CNTNAP2: variants seen among roughly 807,000 people sequenced by gnomAD.
CNTNAP2 encodes contactin-associated protein-like 2.
CNTNAP2 carries 98 observed loss-of-function variants against 155.2 expected under a neutral mutation model. The observed-to-expected ratio is 0.63, with a 90% CI of 0.54 to 0.75. The LOEUF (loss-of-function observed/expected upper bound fraction) is 0.75. CNTNAP2 is among the 30% of genes least tolerant of loss of function. The pLI, the probability that CNTNAP2 is intolerant of heterozygous loss-of-function variation, is 0.00. For missense variants in CNTNAP2, 1,727 were observed against 1,688.1 expected (o/e 1.02, Z -0.40); for synonymous variants, 651 against 631.2 (o/e 1.03, Z -0.47).
intron 15 of CNTNAP2, among the ~76,000 whole-genome samples, chr7:148,042,762 T>A (rs558171991): frequency 1.3e-5 from 2 of 152,322 alleles, no homozygotes; most frequent in South Asian, 2.1e-4. Context: ...GCATCCTCAA[T>A]ATGCCTGCAT....
At chr7:146,601,996 A>G (rs1361868795) in intron 1 of CNTNAP2, among the ~76,000 whole-genome samples, 3 of 152,204 alleles carry the variant, frequency 2.0e-5, no homozygotes, top group African/African-American at 7.2e-5. Flanking sequence ...TGTACAAAGC[A>G]TTCAAAACAA....
chr7:146,634,273 C>G (rs1015112951), intron 1 of CNTNAP2, among the ~76,000 whole-genome samples: 1 of 152,116 alleles, frequency 6.6e-6, no homozygotes, highest in Non-Finnish European at 1.5e-5. Context: ...AACCATACTT[C>G]CCTGTGCCGA....
At chr7:146,901,133 TA>T (rs973748514) in intron 3 of CNTNAP2, among the ~76,000 whole-genome samples, 1 of 151,924 alleles carries the variant, frequency 6.6e-6, no homozygotes, top group Non-Finnish European at 1.5e-5. Context: ...AAACTTAGGC[TA>T]AAAAACAGAA....
chr7:147,663,059 C>A (rs773402925), intron 13 of CNTNAP2, among the ~76,000 whole-genome samples: 25 of 152,118 alleles, frequency 1.6e-4, no homozygotes, highest in Non-Finnish European at 2.8e-4. Flanking sequence ...AGTGCAGTGG[C>A]GCGTTCTCGG....
intron 10 of CNTNAP2, among the ~76,000 whole-genome samples, chr7:147,422,331 T>C (rs932385686): frequency 1.3e-5 from 2 of 151,192 alleles, no homozygotes; most frequent in Non-Finnish European, 2.9e-5. Flanking sequence ...GCCATGGCTC[T>C]ACCCTGAATT....
intron 1 of CNTNAP2, among the ~76,000 whole-genome samples, chr7:146,275,014 C>A (rs1390332319): frequency 1.3e-5 from 2 of 152,244 alleles, no homozygotes; most frequent in East Asian, 3.9e-4. Context: ...AAGCTATTTG[C>A]CCTCTATAGT....
chr7:148,173,391 T>G (rs761665879), intron 18 of CNTNAP2, among the ~76,000 whole-genome samples: 64 of 152,340 alleles, frequency 4.2e-4, no homozygotes, highest in Non-Finnish European at 7.6e-4. Flanking sequence ...TTGGTGCATC[T>G]CTTAATAAGA....
chr7:147,882,419 T>C (rs1434162599), intron 13 of CNTNAP2, among the ~76,000 whole-genome samples: 1 of 152,192 alleles, frequency 6.6e-6, no homozygotes, highest in Non-Finnish European at 1.5e-5. Context: ...CACTGTCAAA[T>C]AGTGGACATC....
At chr7:147,369,850 T>TAAA (rs1470014212) in intron 9 of CNTNAP2, among the ~76,000 whole-genome samples, 46 of 152,334 alleles carry the variant, frequency 3.0e-4, no homozygotes, top group Non-Finnish European at 1.3e-4. Context: ...CGCCTTTGTA[T>TAAA]TTACCTGCAT....
At chr7:147,395,578 G>A (rs761893642) in intron 9 of CNTNAP2, 31 bp from the exon 10 acceptor site, 1 of 1,608,870 alleles carries the variant, frequency 6.2e-7, no homozygotes, top group East Asian at 2.2e-5. Flanking sequence ...CTGTACACCA[G>A]ATTTACATTC....
At chr7:148,210,134 G>A (rs951948321) in intron 18 of CNTNAP2, among the ~76,000 whole-genome samples, 10 of 152,086 alleles carry the variant, frequency 6.6e-5, no homozygotes, top group Admixed American at 3.3e-4. Context: ...GGGTAGGGGG[G>A]CCTTTAAGAT....
intron 18 of CNTNAP2, among the ~76,000 whole-genome samples, chr7:148,176,146 A>G (rs1290053166): frequency 8.6e-5 from 13 of 151,240 alleles, no homozygotes; most frequent in Admixed American, 8.6e-4. Context: ...ACTAGTCAAA[A>G]CCACACAAGA....
At chr7:148,011,735 A>G (rs1243580300) in intron 15 of CNTNAP2, among the ~76,000 whole-genome samples, 1 of 152,174 alleles carries the variant, frequency 6.6e-6, no homozygotes, top group Non-Finnish European at 1.5e-5. Context: ...ACTCTCAAGT[A>G]GTGTATACTC....
Position 148,151,367 on chromosome 7 carries a change from G to A in CNTNAP2, c.2773+3658G>A, listed in dbSNP as rs111825810. Among the ~76,000 whole-genome samples the A allele has an allele frequency of 3.5e-3, 534 of 152,158 alleles. 3 individuals are homozygous for A. The highest frequency in any genetic ancestry group is 8.9e-3 in the South Asian group (43 of 4,812). ...GTCATCCAGGCTGGAGTAAAGTGGC[G>A]TGATCTCAGCTCACTGCAACCTCTG... is the stretch of plus-strand genomic sequence containing the variant. On this transcript the variant is annotated intron_variant, in intron 17 of 23. Transcript: ENST00000361727.
intron 8 of CNTNAP2, among the ~76,000 whole-genome samples, chr7:147,277,101 A>G (rs576464493): frequency 6.6e-6 from 1 of 152,166 alleles, no homozygotes; most frequent in African/African-American, 2.4e-5. Flanking sequence ...TTTATAAAAC[A>G]CCAATGACAG....
chr7:147,867,232 T>A (rs1799246904), intron 13 of CNTNAP2, among the ~76,000 whole-genome samples: 1 of 152,164 alleles, frequency 6.6e-6, no homozygotes, highest in South Asian at 2.1e-4. Flanking sequence ...GGATATGAAA[T>A]TCTGGGTTGA....
At chr7:147,088,699 C>T (rs1055507172) in intron 4 of CNTNAP2, among the ~76,000 whole-genome samples, 1 of 152,250 alleles carries the variant, frequency 6.6e-6, no homozygotes, top group African/African-American at 2.4e-5. Flanking sequence ...AATTCCAACA[C>T]TTTGGAAGGC....
intron 8 of CNTNAP2, among the ~76,000 whole-genome samples, chr7:147,227,470 T>C (rs1803573887): frequency 1.3e-5 from 2 of 152,162 alleles, no homozygotes. Context: ...GGAAAGCAAG[T>C]TGAAAAAGGC....
intron 19 of CNTNAP2, among the ~76,000 whole-genome samples, chr7:148,220,049 T>C (rs1795716076): frequency 6.6e-6 from 1 of 152,214 alleles, no homozygotes; most frequent in Admixed American, 6.5e-5. Context: ...CTGAAATTAT[T>C]CCTAAAGAAA....
Sources: gnomAD v4.1 joint callset for allele counts (sites outside exome capture counted in the v4.1 genomes callset) on GRCh38, gnomAD v4.1.1 for gene constraint, MANE v1.5 for transcripts, NCBI Gene and HGNC (gene_info 2026-07-23, HGNC 2026-07-21) for gene names.